Variants in ANK3 observed in about 807,000 individuals in gnomAD.
ANK3 encodes ankyrin-3.
In ANK3, 57 loss-of-function variants were observed where a neutral mutation model predicts 370.9. That is an observed-to-expected ratio of 0.15 (90% CI 0.12 to 0.19). The LOEUF (loss-of-function observed/expected upper bound fraction) is 0.19, where lower values mean the gene tolerates loss of function less well. Among genes scored for constraint, ANK3 ranks in the 10% least tolerant of loss-of-function variants. The pLI, the probability that ANK3 is intolerant of heterozygous loss-of-function variation, is 1.00. For missense variants in ANK3, 4,439 were observed against 5,302.1 expected, an observed-to-expected ratio of 0.84 and a Z score of 5.06; for synonymous variants, 1,929 against 1,946.3, an observed-to-expected ratio of 0.99 and a Z score of 0.23.
chr10:60,370,018 A>T (rs2059897976), intron 1 of ANK3, among the ~76,000 whole-genome samples: 1 of 152,110 alleles, frequency 6.6e-6, no homozygotes, highest in South Asian at 2.1e-4. Flanking sequence ...TATTATGTAC[A>T]CTTCTTCAGA....
chr10:60,073,710 G>C lies in ANK3; in HGVS notation c.7171C>G (p.Gln2391Glu), dbSNP rs745803467. 3.1e-6 allele frequency: 5 copies of C among 1,613,836 alleles called. No individual in the cohort carries two copies. In the East Asian group the frequency reaches 6.7e-5, roughly 22 times the overall value. ...DAFPCSEEQG[Q>E]QEEEELTAEE... Reference sequence around the variant, plus strand: ...GCAGTAAGTTCTTCTTCTTCTTGCTGACCCTGTTCCTCTGAACAAGGAAAA... The same window carrying C: ...GCAGTAAGTTCTTCTTCTTCTTGCTCACCCTGTTCCTCTGAACAAGGAAAA... Residue 2391 changes from glutamine to glutamate, a missense_variant, in exon 37 of 44, where the codon CAG becomes GAG. Gln to Glu is a conservative substitution (Grantham distance 29). Coordinates refer to ENST00000280772, the MANE Select transcript of ANK3 (RefSeq NM_020987.5).
intron 42 of ANK3, among the ~76,000 whole-genome samples, chr10:60,047,330 AT>A (rs1397869146): frequency 5.3e-5 from 8 of 152,224 alleles, no homozygotes; most frequent in African/African-American, 1.9e-4. Context: ...GAAGCACTGC[AT>A]TTTATAACTT....
chr10:60,565,976 G>C (rs998975170), intron 2 of ANK3, among the ~76,000 whole-genome samples: 7 of 152,342 alleles, frequency 4.6e-5, no homozygotes, highest in African/African-American at 1.7e-4. Context: ...ATCCTGCAAT[G>C]AGCAAGTCTA....
chr10:60,403,602 T>C (rs1221018729), intron 2 of ANK3, among the ~76,000 whole-genome samples: 5 of 152,218 alleles, frequency 3.3e-5, no homozygotes, highest in African/African-American at 1.2e-4. Flanking sequence ...ATTCATTTAA[T>C]ATTGAGATGG....
At chr10:60,591,946 G>A (rs764414568) in intron 2 of ANK3, among the ~76,000 whole-genome samples, 1 of 152,168 alleles carries the variant, frequency 6.6e-6, no homozygotes, top group Non-Finnish European at 1.5e-5. Flanking sequence ...TGGAGGCTTG[G>A]GGGAGAGGTG....
At chr10:60,095,401 T>C (rs948673020) in intron 28 of ANK3, among the ~76,000 whole-genome samples, 2 of 152,250 alleles carry the variant, frequency 1.3e-5, no homozygotes, top group Non-Finnish European at 2.9e-5. Context: ...TTTTATTAGA[T>C]ACGAGGTTTC....
At chr10:60,123,121 C>A (rs901829757) in intron 25 of ANK3, among the ~76,000 whole-genome samples, 2 of 152,074 alleles carry the variant, frequency 1.3e-5, no homozygotes, top group Non-Finnish European at 2.9e-5. Flanking sequence ...CTAGGCAATA[C>A]GAAGTCAACA....
At chr10:60,432,879 T>C (rs554765365) in intron 2 of ANK3, among the ~76,000 whole-genome samples, 1 of 152,268 alleles carries the variant, frequency 6.6e-6, no homozygotes, top group Admixed American at 6.5e-5. Context: ...AATAAATATC[T>C]TCATGAACAA....
At chr10:60,293,104 G>A (rs1411885621) in intron 1 of ANK3, among the ~76,000 whole-genome samples, 3 of 152,110 alleles carry the variant, frequency 2.0e-5, no homozygotes, top group Admixed American at 6.5e-5. Context: ...TGAACATGTC[G>A]TTAAGAAATT....
chr10:60,267,434 C>T (rs1010134929), intron 5 of ANK3, among the ~76,000 whole-genome samples: 1 of 152,156 alleles, frequency 6.6e-6, no homozygotes. Flanking sequence ...TCCCTGAAGA[C>T]ATGAACGTGA....
chr10:60,192,138 C>T lies in ANK3; in HGVS notation c.1887+4007G>A, dbSNP rs566755584. Among the ~76,000 whole-genome samples, 58 of 152,086 alleles carry T rather than the reference C, an allele frequency of 3.8e-4. No homozygotes were observed. In the South Asian group the frequency reaches 0.011, roughly 30 times the overall value. On this transcript the variant is annotated intron_variant, in intron 16 of 43. Coordinates refer to ENST00000280772, the MANE Select transcript of ANK3 (RefSeq NM_020987.5). ...CCATCTCCTGACCTCGTGATCCACC[C>T]GTCTCAGTCTTCCAAAGTAGTGGGA... is the stretch of plus-strand genomic sequence containing the variant.
chr10:60,039,702 T>A (rs1445690999), intron 43 of ANK3, among the ~76,000 whole-genome samples: 2 of 152,170 alleles, frequency 1.3e-5, no homozygotes. Flanking sequence ...TCAGTTTCCC[T>A]ATTTTTTTAA....
intron 1 of ANK3, among the ~76,000 whole-genome samples, chr10:60,321,060 T>C (rs1193103523): frequency 2.0e-5 from 3 of 151,998 alleles, no homozygotes; most frequent in Admixed American, 6.6e-5. Context: ...ACATTAAAAG[T>C]GGAAGGTGTT....
At chr10:60,237,755 C>T (rs1259994014) in intron 7 of ANK3, among the ~76,000 whole-genome samples, 1 of 152,068 alleles carries the variant, frequency 6.6e-6, no homozygotes, top group Non-Finnish European at 1.5e-5. Flanking sequence ...CTGGCCCTTC[C>T]TAGAGAAATA....
rs149194409 is a variant in ANK3 at position 60,073,528 on chromosome 10, A to G, written c.7353T>C (p.Asp2451=). The G allele has an allele frequency of 6.4e-5, 103 of 1,613,972 alleles. No homozygotes were observed. The African/African-American group carries it at 1.2e-3, about 19-fold the overall frequency. The change falls in exon 37 of 44, where the codon GAT becomes GAC. Residue 2451 remains aspartate (D), a synonymous_variant. Coordinates refer to ENST00000280772, the MANE Select transcript of ANK3 (RefSeq NM_020987.5). ...LSQHSIEYHD[D]ELSELRGESY... ...ACTCCCCTCTTAGTTCTGACAACTC[A>G]TCGTCATGGTATTCTATTGAGTGTT...
chr10:60,548,390 G>C (rs150198675), intron 2 of ANK3, among the ~76,000 whole-genome samples: 1 of 151,336 alleles, frequency 6.6e-6, no homozygotes, highest in South Asian at 2.1e-4. Context: ...TTGTGTGTGC[G>C]TGTTTTTTTT....
chr10:60,198,263 A>G, intron 14 of ANK3, 77 bp downstream of exon 14: 1 of 1,428,586 alleles, frequency 7.0e-7, no homozygotes, highest in Non-Finnish European at 9.8e-7. Context: ...CAGCTTCTGG[A>G]CCTGTTACTA....
rs1279037537 is a variant in ANK3 at position 60,074,126 on chromosome 10, A to G, written c.6755T>C (p.Met2252Thr). ...ACCGCCTGGTGGAGAATGATAAACC[A>G]TTCTGGTGGTTGTGGTTATGTGAGT... ...EETHITTTTR[M>T]VYHSPPGGEG... Residue 2252 changes from methionine to threonine, a missense_variant, in exon 37 of 44, where the codon ATG becomes ACG. By Grantham distance (81) the Met-to-Thr change is moderately conservative. Around this residue, in one of 13 missense-constraint regions of ANK3, gnomAD observed 1,601 missense variants for 1,731.7 expected, o/e 0.92. Transcript: ENST00000280772. The G allele has an allele frequency of 1.2e-6, 2 of 1,613,828 alleles. No individual in the cohort carries two copies. The highest frequency in any genetic ancestry group is 1.7e-6 in the Non-Finnish European group (2 of 1,179,952).
intron 2 of ANK3, among the ~76,000 whole-genome samples, chr10:60,489,589 G>A (rs990455279): frequency 6.6e-6 from 1 of 151,988 alleles, no homozygotes; most frequent in African/African-American, 2.4e-5. Context: ...ATATTAATTG[G>A]TATTACTATA....
Sources: allele counts gnomAD v4.1 joint callset (sites outside exome capture counted in the v4.1 genomes callset), GRCh38; gene constraint gnomAD v4.1.1; regional missense constraint gnomAD v4.1.1; transcripts MANE v1.5; gene names NCBI Gene and HGNC (gene_info 2026-07-23, HGNC 2026-07-21).